STXBP5: variants seen among roughly 807,000 people sequenced by gnomAD.
STXBP5 encodes syntaxin-binding protein 5.
In STXBP5, 50 loss-of-function variants were observed where a neutral mutation model predicts 152.4. The observed-to-expected ratio is 0.33, with a 90% confidence interval of 0.26 to 0.42. The LOEUF (loss-of-function observed/expected upper bound fraction) is 0.42, where lower values mean the gene tolerates loss of function less well. Ranked by LOEUF, STXBP5 falls within the 10% of genes least tolerant of loss-of-function variation. STXBP5 has a pLI of 1.00. For missense variants in STXBP5, 1,167 were observed against 1,388.6 expected, an observed-to-expected ratio of 0.84 and a Z score of 2.54; for synonymous variants, 492 against 494.7, an observed-to-expected ratio of 0.99 and a Z score of 0.07.
intron 26 of STXBP5, among the ~76,000 whole-genome samples, chr6:147,379,050 G>T (rs1456850713): frequency 6.6e-6 from 1 of 151,554 alleles, no homozygotes; most frequent in African/African-American, 2.4e-5. Flanking sequence ...AGTATTCAAG[G>T]CCAACAACCT....
At chr6:147,324,270 T>G (rs899912493) in intron 16 of STXBP5, among the ~76,000 whole-genome samples, 6 of 122,352 alleles carry the variant, frequency 4.9e-5, no homozygotes, top group East Asian at 4.4e-4. Context: ...TTTGGTTTTT[T>G]TTTTTTTTTT....
intron 2 of STXBP5, among the ~76,000 whole-genome samples, chr6:147,223,367 CTGT>C (rs1451274519): frequency 1.3e-5 from 2 of 152,050 alleles, no homozygotes; most frequent in African/African-American, 4.8e-5. Flanking sequence ...ACTTACTAAA[CTGT>C]TGTTTTGAGC....
intron 2 of STXBP5, among the ~76,000 whole-genome samples, chr6:147,234,486 G>A (rs139110377): frequency 1.3e-5 from 2 of 151,844 alleles, no homozygotes; most frequent in African/African-American, 4.8e-5. Flanking sequence ...TGTGACTTGG[G>A]GCAGGTTACT....
chr6:147,298,380 G>C (rs1781638108), intron 9 of STXBP5, among the ~76,000 whole-genome samples: 1 of 152,028 alleles, frequency 6.6e-6, no homozygotes, highest in South Asian at 2.1e-4. Flanking sequence ...CAGTAGGTAA[G>C]TAGTAGAGGA....
intron 23 of STXBP5, among the ~76,000 whole-genome samples, chr6:147,362,012 A>G (rs1417367741): frequency 6.6e-6 from 1 of 152,228 alleles, no homozygotes; most frequent in East Asian, 1.9e-4. Context: ...AAATAAAAAT[A>G]TAGGATGCCC....
rs1781256212 is a variant in STXBP5, at chr6:147,291,165, A to C, written c.910A>C (p.Arg304=). The C allele has an allele frequency of 6.2e-7, 1 of 1,612,364 alleles. No individual in the cohort carries two copies. Residue 304 remains arginine, a synonymous_variant, in exon 9 of 28, where the codon AGA becomes CGA. Transcript: ENST00000321680. ...PILKVEFKTT[R]SGEPFIILSG... is the part of the protein sequence containing the mutation. ...CCTCAAGGTGGAATTCAAAACGACT[A>C]GATCTGGGTAAGATTTTACTTCATT...
intron 16 of STXBP5, among the ~76,000 whole-genome samples, chr6:147,324,073 TAA>T (rs553933792): frequency 1.3e-5 from 2 of 152,024 alleles, no homozygotes; most frequent in African/African-American, 4.8e-5. Flanking sequence ...CAGCAATTAT[TAA>T]AAAAGAGTCT....
At chr6:147,237,642 T>G (rs1413804533) in intron 3 of STXBP5, among the ~76,000 whole-genome samples, 2 of 152,204 alleles carry the variant, frequency 1.3e-5, no homozygotes, top group African/African-American at 4.8e-5. Flanking sequence ...GTGGACTTTA[T>G]GTATTTCTGC....
At chr6:147,335,656 C>T (rs1783785824) in intron 19 of STXBP5, among the ~76,000 whole-genome samples, 2 of 151,776 alleles carry the variant, frequency 1.3e-5, no homozygotes, top group Non-Finnish European at 2.9e-5. Context: ...AAAAAGTAGC[C>T]GGGCGAGGTA....
chr6:147,374,276 G>A (rs555360588), intron 26 of STXBP5, among the ~76,000 whole-genome samples: 3 of 152,242 alleles, frequency 2.0e-5, no homozygotes, highest in South Asian at 2.1e-4. Context: ...TACCTTCCAC[G>A]TAGTTGATAC....
chr6:147,334,292 A>G (rs1233689431), intron 19 of STXBP5, 70 bp downstream of exon 19: 2 of 1,383,904 alleles, frequency 1.4e-6, no homozygotes, highest in African/African-American at 2.9e-5. Flanking sequence ...ACTAGTGTAC[A>G]TTTTGATAGA....
intron 2 of STXBP5, among the ~76,000 whole-genome samples, chr6:147,211,924 T>C (rs957271078): frequency 1.3e-5 from 2 of 152,192 alleles, no homozygotes; most frequent in African/African-American, 4.8e-5. Context: ...TCCTCCATCC[T>C]TTTTTGTTCA....
intron 2 of STXBP5, among the ~76,000 whole-genome samples, chr6:147,213,166 C>T (rs1407927762): frequency 6.6e-6 from 1 of 151,828 alleles, no homozygotes; most frequent in Non-Finnish European, 1.5e-5. Flanking sequence ...AGTAACTGGA[C>T]TATAGGTTTG....
intron 19 of STXBP5, 97 bp downstream of exon 19, chr6:147,334,319 A>T: frequency 9.1e-7 from 1 of 1,095,732 alleles, no homozygotes; most frequent in Non-Finnish European, 1.3e-6. Context: ...TTTAAAATAC[A>T]TCTACGAAAA....
chr6:147,273,683 G>T (rs915120595), intron 7 of STXBP5, among the ~76,000 whole-genome samples: 3 of 152,158 alleles, frequency 2.0e-5, no homozygotes, highest in Admixed American at 2.0e-4. Context: ...CGGGCGTGGT[G>T]GCTCACGCCT....
At position 147,330,482 on chromosome 6, in the gene STXBP5, TTGGTG is replaced by T. The variant is rs71808874; in HGVS notation, c.2080+3207_2080+3211del. 7.5e-3 allele frequency among the ~76,000 whole-genome samples: 1,142 copies of T among 152,240 alleles called. 16 individuals are homozygous for T. The highest frequency in any genetic ancestry group is 0.025 in the African/African-American group (1,048 of 41,538). Reference sequence around the variant, plus strand: ...AATAATAAAAAGAATATCAAGATAATTGGTGAATTTAAAAGGGATCCCCAGTTGGT... The same window carrying T: ...AATAATAAAAAGAATATCAAGATAATAATTTAAAAGGGATCCCCAGTTGGT... On this transcript the variant is annotated intron_variant, in intron 18 of 27. Coordinates refer to ENST00000321680, the MANE Select transcript of STXBP5 (RefSeq NM_001127715.4).
At chr6:147,214,967 A>ATG (rs1431898711) in intron 2 of STXBP5, among the ~76,000 whole-genome samples, 2 of 152,138 alleles carry the variant, frequency 1.3e-5, no homozygotes, top group East Asian at 1.9e-4. Flanking sequence ...GTGGATGAGT[A>ATG]TGTGTGTGTG....
intron 15 of STXBP5, 111 bp downstream of exon 15, chr6:147,315,846 A>G (rs1421588428): frequency 3.5e-6 from 3 of 867,548 alleles, no homozygotes; most frequent in Non-Finnish European, 5.4e-6. Flanking sequence ...ACTTTTGAAA[A>G]CACCTTAGTA....
At chr6:147,232,978 A>G (rs1336572054) in intron 2 of STXBP5, among the ~76,000 whole-genome samples, 1 of 151,692 alleles carries the variant, frequency 6.6e-6, no homozygotes, top group Non-Finnish European at 1.5e-5. Context: ...CAACACCAGT[A>G]AACTACTTCT....
Sources: gnomAD v4.1 joint callset for allele counts (sites outside exome capture counted in the v4.1 genomes callset) on GRCh38, gnomAD v4.1.1 for gene constraint, MANE v1.5 for transcripts, NCBI Gene and HGNC (gene_info 2026-07-23, HGNC 2026-07-21) for gene names.